PRKG1: variants seen among roughly 807,000 people sequenced by gnomAD.
PRKG1 encodes cGMP-dependent protein kinase 1.
Under a neutral mutation model 88.1 loss-of-function variants are expected in PRKG1, and 35 were observed. The ratio of observed to expected loss-of-function variants is 0.40; its 90% confidence interval spans 0.30 to 0.53. PRKG1 has a LOEUF of 0.53. Among genes scored for constraint, PRKG1 ranks in the 20% least tolerant of loss-of-function variants. The pLI is 0.59. For synonymous variants in PRKG1, 303 were observed against 292.5 expected, an observed-to-expected ratio of 1.04 and a Z score of -0.37; for missense variants, 540 against 839.8, an observed-to-expected ratio of 0.64 and a Z score of 4.41.
intron 2 of PRKG1, among the ~76,000 whole-genome samples, chr10:51,225,202 C>T (rs570332939): frequency 3.1e-4 from 47 of 152,288 alleles, no homozygotes; most frequent in African/African-American, 7.9e-4. Context: ...CTTTCACATA[C>T]GTGTTGCCTC....
intron 4 of PRKG1, among the ~76,000 whole-genome samples, chr10:51,846,548 G>A (rs570373543): frequency 6.6e-6 from 1 of 152,220 alleles, no homozygotes; most frequent in African/African-American, 2.4e-5. Flanking sequence ...AGGATCAGAG[G>A]CTTCTAATTG....
Position 51,776,588 on chromosome 10 carries a change from G to A in PRKG1, c.593-27997G>A, listed in dbSNP as rs530573866. Reference sequence around the variant, plus strand: ...GCCTGTAAACCCAGTACTTTGCAAAGCCAAGGTGGGCAGATCACTTGAGGT... The same window carrying A: ...GCCTGTAAACCCAGTACTTTGCAAAACCAAGGTGGGCAGATCACTTGAGGT... On this transcript the variant is annotated intron_variant, in intron 3 of 17. Coordinates refer to ENST00000373980, the MANE Select transcript of PRKG1 (RefSeq NM_006258.4). Among the ~76,000 whole-genome samples, 13 of 152,278 alleles carry A rather than the reference G, an allele frequency of 8.5e-5. 2 individuals carry two copies. In the East Asian group the frequency reaches 2.5e-3, roughly 29 times the overall value.
chr10:52,164,304 C>A (rs1324529400), intron 9 of PRKG1, among the ~76,000 whole-genome samples: 1 of 151,848 alleles, frequency 6.6e-6, no homozygotes, highest in Non-Finnish European at 1.5e-5. Context: ...TGAGCCAAGA[C>A]CGCGCCATTA....
intron 3 of PRKG1, 167 bp downstream of exon 3, chr10:51,468,003 T>G: frequency 1.7e-6 from 1 of 605,568 alleles, no homozygotes. Flanking sequence ...TAAAGGTGAT[T>G]GTTAACAATC....
intron 1 of PRKG1, among the ~76,000 whole-genome samples, chr10:51,149,411 A>G (rs1051061484): frequency 6.6e-6 from 1 of 152,158 alleles, no homozygotes; most frequent in African/African-American, 2.4e-5. Flanking sequence ...CCTATACTCT[A>G]AAATTGCCCA....
At chr10:51,660,021 A>G (rs1014566311) in intron 3 of PRKG1, among the ~76,000 whole-genome samples, 1 of 151,932 alleles carries the variant, frequency 6.6e-6, no homozygotes, top group Non-Finnish European at 1.5e-5. Flanking sequence ...AAAGTTTGAG[A>G]TACGCTTTTG....
At chr10:51,529,923 T>G (rs181873924) in intron 3 of PRKG1, among the ~76,000 whole-genome samples, 4 of 152,214 alleles carry the variant, frequency 2.6e-5, no homozygotes, top group African/African-American at 9.6e-5. Flanking sequence ...TTTATTGATT[T>G]AATTAATTGT....
chr10:51,840,416 C>T (rs1204799669), intron 4 of PRKG1, among the ~76,000 whole-genome samples: 3 of 152,000 alleles, frequency 2.0e-5, no homozygotes, highest in Non-Finnish European at 4.4e-5. Context: ...TTTACAGTCA[C>T]GAATAGGCTT....
intron 5 of PRKG1, among the ~76,000 whole-genome samples, chr10:52,019,364 T>C (rs1052189233): frequency 6.6e-6 from 1 of 152,168 alleles, no homozygotes; most frequent in Non-Finnish European, 1.5e-5. Flanking sequence ...TTCTTGATGA[T>C]TATGTTTCAA....
chr10:52,214,225 A>G (rs1318447164), intron 9 of PRKG1, among the ~76,000 whole-genome samples: 1 of 152,186 alleles, frequency 6.6e-6, no homozygotes, highest in African/African-American at 2.4e-5. Flanking sequence ...CAACAGTAGC[A>G]TAGAGGAAGT....
chr10:52,250,529 G>A (rs1162506707), intron 9 of PRKG1, among the ~76,000 whole-genome samples: 4 of 152,164 alleles, frequency 2.6e-5, no homozygotes, highest in Non-Finnish European at 2.9e-5. Flanking sequence ...AATAGGCTGT[G>A]TTAGTATCAT....
chr10:51,426,713 CAT>C (rs1338046791), intron 2 of PRKG1, among the ~76,000 whole-genome samples: 4 of 151,668 alleles, frequency 2.6e-5, no homozygotes, highest in African/African-American at 9.7e-5. Context: ...CACACACACA[CAT>C]ATACAGAAGT....
chr10:51,737,737 ATTAATT>A (rs1564627393), intron 3 of PRKG1, among the ~76,000 whole-genome samples: 15 of 137,162 alleles, frequency 1.1e-4, no homozygotes, highest in African/African-American at 3.3e-4. Flanking sequence ...TTATTTATTT[ATTAATT>A]ATTATTATTA....
intron 3 of PRKG1, among the ~76,000 whole-genome samples, chr10:51,564,175 T>C (rs1027139999): frequency 3.3e-5 from 5 of 152,012 alleles, no homozygotes; most frequent in African/African-American, 1.2e-4. Flanking sequence ...GGGTACTTTT[T>C]TATGTACTAA....
At chr10:51,709,521 C>T (rs1431754636) in intron 3 of PRKG1, among the ~76,000 whole-genome samples, 1 of 152,178 alleles carries the variant, frequency 6.6e-6, no homozygotes, top group African/African-American at 2.4e-5. Context: ...CAAGTGCCTG[C>T]AGGAAAACAG....
intron 3 of PRKG1, among the ~76,000 whole-genome samples, chr10:51,651,584 C>CTTT (rs11464425): frequency 6.9e-6 from 1 of 144,518 alleles, no homozygotes; most frequent in South Asian, 2.2e-4. Flanking sequence ...ACAGATCTTA[C>CTTT]TTTTTTTTTT....
intron 2 of PRKG1, among the ~76,000 whole-genome samples, chr10:51,300,448 T>C (rs1451837474): frequency 6.6e-6 from 1 of 152,234 alleles, no homozygotes; most frequent in East Asian, 1.9e-4. Context: ...TTTTTTCTCT[T>C]TTGTTTTGAT....
intron 1 of PRKG1, among the ~76,000 whole-genome samples, chr10:51,046,110 A>G (rs1483847504): frequency 6.6e-6 from 1 of 152,238 alleles, no homozygotes; most frequent in African/African-American, 2.4e-5. Context: ...ATTTTTGCAC[A>G]GTAAGAGCAT....
intron 3 of PRKG1, among the ~76,000 whole-genome samples, chr10:51,507,141 C>T (rs1288538748): frequency 4.2e-5 from 5 of 117,732 alleles, no homozygotes; most frequent in African/African-American, 1.3e-4. Flanking sequence ...TCACACACCT[C>T]GGCCTGTTGT....
Sources: gnomAD v4.1 joint callset for allele counts (sites outside exome capture counted in the v4.1 genomes callset) on GRCh38, gnomAD v4.1.1 for gene constraint, MANE v1.5 for transcripts, NCBI Gene and HGNC (gene_info 2026-07-23, HGNC 2026-07-21) for gene names.